The following ASIC2 variants were observed in gnomAD, a reference collection of about 807,000 sequenced individuals.
The protein encoded by ASIC2 is acid sensing ion channel subunit 2, also known as acid-sensing ion channel 2.
In ASIC2, 25 loss-of-function variants were observed where a neutral mutation model predicts 57.3. The observed-to-expected ratio is 0.44, with a 90% CI of 0.32 to 0.61. The LOEUF (loss-of-function observed/expected upper bound fraction) is 0.61. ASIC2 is among the 20% of genes least tolerant of loss of function. The pLI, the probability that ASIC2 is intolerant of heterozygous loss-of-function variation, is 0.06. For synonymous variants in ASIC2, 319 were observed against 307.5 expected (o/e 1.04, Z -0.39); for missense variants, 641 against 738.1 (o/e 0.87, Z 1.52).
At chr17:34,035,221 C>T (rs1907821839) in intron 1 of ASIC2, among the ~76,000 whole-genome samples, 1 of 144,768 alleles carries the variant, frequency 6.9e-6, no homozygotes, top group African/African-American at 2.8e-5. Flanking sequence ...CTACAACTAT[C>T]TCATCTTTGA....
chr17:33,913,838 C>G (rs1915524334), intron 1 of ASIC2, among the ~76,000 whole-genome samples: 3 of 152,172 alleles, frequency 2.0e-5, no homozygotes, highest in Admixed American at 2.0e-4. Flanking sequence ...TTATTGAGCA[C>G]CTACAATGTG....
upstream of ASIC2, among the ~76,000 whole-genome samples, chr17:33,293,965 G>C (rs376571656): frequency 6.6e-6 from 1 of 151,996 alleles, no homozygotes; most frequent in African/African-American, 2.4e-5. Context: ...TATGTGTGTT[G>C]AGGCATTGCG....
rs568217531 is a variant in ASIC2 at position 33,749,638 on chromosome 17, G to C, written c.555+406340C>G. ...CTCAGAGCTGTCACTTGGTGGGCTT[G>C]TCATGCCCACCAGACTGTTACTTAT... On this transcript the variant is annotated intron_variant, in intron 1 of 9. Transcript: ENST00000359872. 4.6e-5 allele frequency among the ~76,000 whole-genome samples: 7 copies of C among 152,212 alleles called. No homozygotes were observed. The South Asian group carries it at 6.2e-4, about 14-fold the overall frequency.
chr17:33,851,479 C>T (rs921389781), intron 1 of ASIC2, among the ~76,000 whole-genome samples: 6 of 152,130 alleles, frequency 3.9e-5, no homozygotes, highest in African/African-American at 7.2e-5. Flanking sequence ...AAACTCAGTG[C>T]CTGGTTTCAA....
At chr17:33,345,154 G>T (rs1907894373) in intron 1 of ASIC2, among the ~76,000 whole-genome samples, 1 of 152,210 alleles carries the variant, frequency 6.6e-6, no homozygotes, top group Non-Finnish European at 1.5e-5. Flanking sequence ...TTCAAATGCA[G>T]TAAGGGGCTC....
At chr17:33,264,141 T>TA (rs1298808174) in intron 1 of ASIC2, among the ~76,000 whole-genome samples, 1 of 152,260 alleles carries the variant, frequency 6.6e-6, no homozygotes, top group African/African-American at 2.4e-5. Flanking sequence ...GCACAAGGTA[T>TA]ATGCCAGGCA....
intron 1 of ASIC2, among the ~76,000 whole-genome samples, chr17:33,594,876 C>A (rs117097648): frequency 0.076 from 11,418 of 151,072 alleles, 567 homozygotes; most frequent in Non-Finnish European, 0.11. Context: ...TAAGCTCAGG[C>A]CTAGAGAAAT....
intron 1 of ASIC2, among the ~76,000 whole-genome samples, chr17:33,453,304 A>G (rs1362544078): frequency 6.6e-6 from 1 of 150,914 alleles, no homozygotes; most frequent in Non-Finnish European, 1.5e-5. Flanking sequence ...AAAAAAAAGA[A>G]ACTGATTTTA....
At chr17:33,466,088 A>C (rs899558788) in intron 1 of ASIC2, among the ~76,000 whole-genome samples, 1 of 152,216 alleles carries the variant, frequency 6.6e-6, no homozygotes, top group African/African-American at 2.4e-5. Flanking sequence ...GAATGCTTAA[A>C]AATATTTTTT....
intron 1 of ASIC2, among the ~76,000 whole-genome samples, chr17:33,835,892 C>G (rs542654253): frequency 6.6e-6 from 1 of 151,464 alleles, no homozygotes; most frequent in Non-Finnish European, 1.5e-5. Flanking sequence ...AAGTGATCCA[C>G]CTGCCTCAGG....
chr17:33,140,834 G>C (rs1254120196), intron 1 of ASIC2, among the ~76,000 whole-genome samples: 1 of 152,252 alleles, frequency 6.6e-6, no homozygotes. Flanking sequence ...TGGACTAGCT[G>C]TTAAGCCCAG....
intron 1 of ASIC2, chr17:33,634,640 T>G (rs993350899): frequency 6.6e-6 from 1 of 151,074 alleles, no homozygotes. Flanking sequence ...CTCAGCCTCC[T>G]GAGTAGCTGG....
intron 1 of ASIC2, among the ~76,000 whole-genome samples, chr17:33,689,961 CA>C (rs1183295692): frequency 1.3e-5 from 2 of 152,240 alleles, no homozygotes. Context: ...ACCTTGATTT[CA>C]GACTCCGGTC....
intron 1 of ASIC2, among the ~76,000 whole-genome samples, chr17:33,927,206 G>A (rs1220865363): frequency 1.3e-5 from 2 of 152,274 alleles, no homozygotes; most frequent in Non-Finnish European, 2.9e-5. Flanking sequence ...TGTGATTACA[G>A]GCATGACCCA....
chr17:33,837,725 A>T (rs745328482), intron 1 of ASIC2, among the ~76,000 whole-genome samples: 2 of 152,144 alleles, frequency 1.3e-5, no homozygotes, highest in African/African-American at 4.8e-5. Flanking sequence ...ACAACGAAAA[A>T]CAAAAAACAA....
chr17:33,783,028 C>G (rs1387809556), intron 1 of ASIC2, among the ~76,000 whole-genome samples: 1 of 152,202 alleles, frequency 6.6e-6, no homozygotes, highest in Non-Finnish European at 1.5e-5. Flanking sequence ...TCTTATCCAT[C>G]AGACCCAAGA....
At chr17:33,797,455 C>T (rs1911950551) in intron 1 of ASIC2, among the ~76,000 whole-genome samples, 1 of 152,166 alleles carries the variant, frequency 6.6e-6, no homozygotes, top group Non-Finnish European at 1.5e-5. Flanking sequence ...GGTATTATTG[C>T]ATCCTGCTAC....
intron 1 of ASIC2, among the ~76,000 whole-genome samples, chr17:33,550,682 A>G (rs1915725975): frequency 6.6e-6 from 1 of 152,240 alleles, no homozygotes; most frequent in African/African-American, 2.4e-5. Flanking sequence ...AATGGAGAGA[A>G]TATTAGCAAG....
At chr17:34,061,479 C>T (rs1908967478) in intron 1 of ASIC2, among the ~76,000 whole-genome samples, 1 of 152,042 alleles carries the variant, frequency 6.6e-6, no homozygotes, top group South Asian at 2.1e-4. Context: ...AACCAAAGTA[C>T]ACAGGCAACA....
Sources: gnomAD v4.1 joint callset for allele counts (sites outside exome capture counted in the v4.1 genomes callset) on GRCh38, gnomAD v4.1.1 for gene constraint, MANE v1.5 for transcripts, NCBI Gene and HGNC (gene_info 2026-07-23, HGNC 2026-07-21) for gene names.